Variants in DPF3 observed in about 807,000 individuals in gnomAD.
The protein encoded by DPF3 is zinc finger protein DPF3.
A neutral mutation model predicts 56.8 loss-of-function variants in DPF3; 18 were observed. The ratio of observed to expected loss-of-function variants is 0.32; its 90% CI spans 0.22 to 0.47. DPF3 has a LOEUF of 0.47. Ranked by LOEUF, DPF3 falls within the 20% of genes least tolerant of loss-of-function variation. The pLI is 1.00. For missense variants in DPF3, 403 were observed against 488.8 expected (o/e 0.82, Z 1.65); for synonymous variants, 188 against 180.2 (o/e 1.04, Z -0.35).
chr14:72,756,462 T>C (rs1300177953), intron 2 of DPF3, among the ~76,000 whole-genome samples: 1 of 152,120 alleles, frequency 6.6e-6, no homozygotes, highest in Non-Finnish European at 1.5e-5. Flanking sequence ...TCTGGGCATC[T>C]CTCACAGACA....
Position 72,614,192 on chromosome 14 carries a change from G to C in DPF3, c.*5105C>G, listed in dbSNP as rs1015369415. Reference sequence around the variant, plus strand: ...CCTGGGAATGCTCAGAAATGGGGGAGGGAGCCCCAACCCCCAGACAGCTAT... The same window carrying C: ...CCTGGGAATGCTCAGAAATGGGGGACGGAGCCCCAACCCCCAGACAGCTAT... On this transcript the variant is annotated 3_prime_UTR_variant, in exon 11 of 11. Coordinates refer to ENST00000556509, the MANE Select transcript of DPF3 (RefSeq NM_001280542.3). Among the ~76,000 whole-genome samples the C allele has an allele frequency of 6.6e-6, 1 of 152,204 alleles. No individual in the cohort carries two copies. The highest frequency in any genetic ancestry group is 2.4e-5 in the African/African-American group (1 of 41,444).
chr14:72,836,581 A>G (rs888097256), intron 1 of DPF3: 1 of 946,664 alleles, frequency 1.1e-6, no homozygotes, highest in African/African-American at 1.8e-5. Flanking sequence ...TTATCAGTCT[A>G]TCTGGATGAA....
intron 8 of DPF3, among the ~76,000 whole-genome samples, chr14:72,641,440 C>T (rs1354670163): frequency 3.3e-5 from 5 of 152,204 alleles, no homozygotes; most frequent in South Asian, 2.1e-4. Context: ...CTTCCCCCGG[C>T]GATGAATCAA....
In DPF3 at chr14:72,838,918, T is replaced by A. The variant is rs1414998272; in HGVS notation, c.32+55139A>T. 1.1e-3 allele frequency among the ~76,000 whole-genome samples: 54 copies of A among 51,256 alleles called. 3 individuals carry two copies. Among genetic ancestry groups the A allele is most frequent in the South Asian group, 9.4e-3 (7 of 748 alleles). 33.6% of individuals were successfully genotyped at this position (51,256 alleles called of 152,430 possible). On this transcript the variant is annotated intron_variant, in intron 1 of 10. Coordinates refer to ENST00000556509, the MANE Select transcript of DPF3 (RefSeq NM_001280542.3). ...ATTATCATATATATTCTTTTTTTTT[T>A]TTTTTTTTTTTTTTTTTTTTTGGAG...
chr14:72,837,737 C>T (rs1285144566), intron 1 of DPF3, among the ~76,000 whole-genome samples: 3 of 150,952 alleles, frequency 2.0e-5, no homozygotes, highest in African/African-American at 7.3e-5. Context: ...GACTCCATCT[C>T]GAAAAAATAA....
intron 2 of DPF3, among the ~76,000 whole-genome samples, chr14:72,770,550 T>C (rs1160287694): frequency 1.3e-5 from 2 of 152,216 alleles, no homozygotes; most frequent in Non-Finnish European, 2.9e-5. Flanking sequence ...TAGAGATACA[T>C]AACAAAATAT....
chr14:72,798,436 A>G (rs1383538389), intron 1 of DPF3, among the ~76,000 whole-genome samples: 1 of 152,136 alleles, frequency 6.6e-6, no homozygotes, highest in African/African-American at 2.4e-5. Flanking sequence ...ATACATACAT[A>G]CATGTATGAA....
intron 2 of DPF3, among the ~76,000 whole-genome samples, chr14:72,755,369 T>A (rs1890750371): frequency 6.6e-6 from 1 of 152,256 alleles, no homozygotes; most frequent in South Asian, 2.1e-4. Flanking sequence ...CTGGGAGAAT[T>A]CATTTTAGCA....
intron 2 of DPF3, among the ~76,000 whole-genome samples, chr14:72,763,606 TA>T (rs1891147198): frequency 6.6e-6 from 1 of 151,950 alleles, no homozygotes; most frequent in Non-Finnish European, 1.5e-5. Context: ...ATCATAGACC[TA>T]AATGTGAAAC....
intron 1 of DPF3, among the ~76,000 whole-genome samples, chr14:72,824,416 C>T (rs935144166): frequency 6.6e-6 from 1 of 152,144 alleles, no homozygotes; most frequent in East Asian, 1.9e-4. Context: ...CCTTCTCCTC[C>T]CTGTTCATGG....
rs769156552 is a variant in DPF3, at chr14:72,723,622, C to T, written c.525+11G>A. ...TCATCTCTTTCCTCGCTCATGTCAT[C>T]CCCAACTTACCCGTCCTCTAGTCCT... On this transcript the variant is annotated intron_variant, in intron 5 of 10. Transcript: ENST00000556509. 9.6e-6 allele frequency: 15 copies of T among 1,558,510 alleles called. No homozygotes were observed. The highest frequency in any genetic ancestry group is 8.6e-5 in the South Asian group (7 of 80,998).
chr14:72,626,791 CCAA>C (rs955147195), intron 9 of DPF3, among the ~76,000 whole-genome samples: 1 of 152,074 alleles, frequency 6.6e-6, no homozygotes, highest in African/African-American at 2.4e-5. Flanking sequence ...TGTATTCCCA[CCAA>C]CAATGTATGA....
At chr14:72,739,982 A>C (rs1008745867) in intron 3 of DPF3, among the ~76,000 whole-genome samples, 3 of 152,156 alleles carry the variant, frequency 2.0e-5, no homozygotes, top group African/African-American at 7.2e-5. Context: ...AAACAGAGCC[A>C]AGGAGGAGAA....
intron 1 of DPF3, among the ~76,000 whole-genome samples, chr14:72,828,230 G>A (rs1381133517): frequency 6.6e-6 from 1 of 152,174 alleles, no homozygotes; most frequent in Non-Finnish European, 1.5e-5. Flanking sequence ...TAAGCACCAT[G>A]CTGGGTACAG....
intron 1 of DPF3, among the ~76,000 whole-genome samples, chr14:72,777,080 T>C (rs1891773808): frequency 1.3e-5 from 2 of 152,208 alleles, no homozygotes; most frequent in African/African-American, 4.8e-5. Flanking sequence ...GAAGCAGAGA[T>C]AAGCAGAGCT....
chr14:72,742,319 C>G (rs1385140327), intron 3 of DPF3: 1 of 152,302 alleles, frequency 6.6e-6, no homozygotes, highest in Non-Finnish European at 1.5e-5. Flanking sequence ...CAACCCCCAC[C>G]GCCCAGAGAC....
At chr14:72,884,940 C>CTATATATATATATATA (rs773450437) in intron 1 of DPF3, among the ~76,000 whole-genome samples, 300 of 29,596 alleles carry the variant, frequency 0.01, 32 homozygotes, top group South Asian at 0.012. Context: ...ACTAAAAATA[C>CTATATATATATATATA]TATATATATA....
At chr14:72,662,674 G>A in intron 8 of DPF3, 1 of 985,978 alleles carries the variant, frequency 1.0e-6, no homozygotes, top group South Asian at 4.7e-5. Flanking sequence ...TCCTGTGCTG[G>A]CTCCTGTGTT....
chr14:72,770,934 T>C (rs746491127), intron 2 of DPF3, among the ~76,000 whole-genome samples: 10 of 151,972 alleles, frequency 6.6e-5, no homozygotes, highest in Non-Finnish European at 1.2e-4. Context: ...ATCCCAGCAC[T>C]ATGGGAGGCC....
Sources: gnomAD v4.1 joint callset for allele counts (sites outside exome capture counted in the v4.1 genomes callset) on GRCh38, gnomAD v4.1.1 for gene constraint, MANE v1.5 for transcripts, NCBI Gene and HGNC (gene_info 2026-07-23, HGNC 2026-07-21) for gene names.